INTS6: variants seen among roughly 807,000 people sequenced by gnomAD.
INTS6 encodes DEAD box protein.
A neutral mutation model predicts 104.9 loss-of-function variants in INTS6; 16 were observed. The ratio of observed to expected loss-of-function variants is 0.15; its 90% CI spans 0.10 to 0.23. INTS6 has a LOEUF of 0.23. Ranked by LOEUF, INTS6 falls within the 10% of genes least tolerant of loss-of-function variation. The pLI is 1.00. For synonymous variants in INTS6, 324 were observed against 358.7 expected, an observed-to-expected ratio of 0.90 and a Z score of 1.09; for missense variants, 584 against 1,062.8, an observed-to-expected ratio of 0.55 and a Z score of 6.26.
At chr13:51,410,823 A>C (rs1211717776) in intron 4 of INTS6, among the ~76,000 whole-genome samples, 1 of 152,196 alleles carries the variant, frequency 6.6e-6, no homozygotes, top group African/African-American at 2.4e-5. Flanking sequence ...ATATGTAAAA[A>C]ATTCTTATAA....
At chr13:51,399,145 T>C (rs1956390716) in intron 4 of INTS6, among the ~76,000 whole-genome samples, 1 of 152,246 alleles carries the variant, frequency 6.6e-6, no homozygotes, top group African/African-American at 2.4e-5. Context: ...GAATCACCTA[T>C]ACTGCTACAT....
At chr13:51,430,469 C>A in intron 3 of INTS6, 86 bp from the exon 4 acceptor site, 2 of 901,150 alleles carry the variant, frequency 2.2e-6, no homozygotes, top group South Asian at 3.3e-5. Flanking sequence ...AGCATATATA[C>A]GATCTCCCTT....
intron 4 of INTS6, among the ~76,000 whole-genome samples, chr13:51,417,717 A>G (rs946606869): frequency 6.6e-6 from 1 of 152,176 alleles, no homozygotes; most frequent in African/African-American, 2.4e-5. Context: ...TTGGCCTCCC[A>G]AAGTGCTAGG....
chr13:51,366,541 A>G (rs1225664627), intron 17 of INTS6, among the ~76,000 whole-genome samples: 1 of 152,020 alleles, frequency 6.6e-6, no homozygotes, highest in Non-Finnish European at 1.5e-5. Flanking sequence ...GCTACTTAGA[A>G]GCTAATATAA....
chr13:51,348,358 C>A, the INTS6 span: 9 of 1,613,822 alleles, frequency 5.6e-6, no homozygotes, highest in East Asian at 4.5e-5. Context: ...CCAGCACCAT[C>A]CACCTCTGGA....
At position 51,364,219 on chromosome 13, in the gene INTS6, A is replaced by G. The variant is rs1329034189; in HGVS notation, c.*1533T>C. The G allele has an allele frequency of 1.1e-5, 15 of 1,325,488 alleles. No homozygotes were observed. The East Asian group carries it at 3.3e-4, about 29-fold the overall frequency. 82.1% of individuals were successfully genotyped at this position (1,325,488 alleles called of 1,614,324 possible). ...ATATGAAAATACTATATAATATTAAATTCTTCTTTTTCTTGACAGGGTTTG... is the reference window on the plus strand; with the variant it reads ...ATATGAAAATACTATATAATATTAAGTTCTTCTTTTTCTTGACAGGGTTTG... On this transcript the variant is annotated 3_prime_UTR_variant, in exon 18 of 18. Coordinates refer to ENST00000311234, the MANE Select transcript of INTS6 (RefSeq NM_012141.3).
intron 17 of INTS6, among the ~76,000 whole-genome samples, chr13:51,366,343 A>G (rs1418243142): frequency 2.0e-5 from 3 of 152,028 alleles, no homozygotes; most frequent in Non-Finnish European, 4.4e-5. Context: ...TTCTATTACA[A>G]TTTGAGAGCT....
chr13:51,361,993 T>C lies in INTS6; in HGVS notation c.*3759A>G, dbSNP rs1161799187. On this transcript the variant is annotated 3_prime_UTR_variant, in exon 18 of 18. Coordinates refer to ENST00000311234, the MANE Select transcript of INTS6 (RefSeq NM_012141.3). The stretch of plus-strand genomic sequence containing the variant: ...TATCCCCTCAAAAATAAGCATTCTT[T>C]CTAGCTGTTTTTATGGTGCTTCAGA... The C allele has an allele frequency of 6.2e-7, 1 of 1,610,520 alleles. No individual in the cohort carries two copies. Among genetic ancestry groups the C allele is most frequent in the Non-Finnish European group, 8.5e-7 (1 of 1,178,050 alleles).
chr13:51,423,564 A>G (rs1956933760), intron 4 of INTS6, among the ~76,000 whole-genome samples: 1 of 152,096 alleles, frequency 6.6e-6, no homozygotes, highest in Non-Finnish European at 1.5e-5. Context: ...GTAAGCAGTA[A>G]CTGCAGATTG....
rs17837216 is a variant in INTS6 at position 51,362,499 on chromosome 13, A to T, written c.*3253T>A. On this transcript the variant is annotated 3_prime_UTR_variant, in exon 18 of 18. Coordinates refer to ENST00000311234, the MANE Select transcript of INTS6 (RefSeq NM_012141.3). ...CTTAGGCTTCGACAATATTGAACAA[A>T]GTCTTTAGATTATTTCTCTTAATGT... 1,731 of 152,728 alleles carry T rather than the reference A, an allele frequency of 0.011. 26 individuals are homozygous for T. The highest frequency in any genetic ancestry group is 0.071 in the East Asian group (367 of 5,188). 9.5% of individuals were successfully genotyped at this position (152,728 alleles called of 1,614,324 possible). A position where few individuals can be genotyped will look rare whatever the true frequency, so the allele number is the denominator to read the frequency against.
Position 51,452,317 on chromosome 13 carries a change from G to C in INTS6, c.111+98C>G. The C allele has an allele frequency of 8.5e-7, 1 of 1,171,502 alleles. No homozygotes were observed. The highest frequency in any genetic ancestry group is 1.1e-6 in the Non-Finnish European group (1 of 940,842). 72.6% of individuals were successfully genotyped at this position (1,171,502 alleles called of 1,614,324 possible). ...GTCCCCGAGCCCGGCAGCTCCCGCA[G>C]TCAGGTCCCCGACACCCCCGCCCCG... On this transcript the variant is annotated intron_variant, in intron 1 of 17. Transcript: ENST00000311234. The surrounding 1 kb of genome is among the most constrained non-coding windows in gnomAD (Gnocchi z 4.2).
chr13:51,389,161 T>C (rs528393496), intron 6 of INTS6, among the ~76,000 whole-genome samples, 158 bp downstream of exon 6: 1 of 152,356 alleles, frequency 6.6e-6, no homozygotes, highest in Admixed American at 6.5e-5. Context: ...TTAGTTTACC[T>C]TGACTTTCCT....
chr13:51,359,906 A>G (rs975776616), downstream of INTS6, among the ~76,000 whole-genome samples: 1 of 152,088 alleles, frequency 6.6e-6, no homozygotes, highest in African/African-American at 2.4e-5. Flanking sequence ...ACCAACTGCT[A>G]AAATAAATCA....
chr13:51,429,412 C>T (rs1047526514), intron 4 of INTS6, among the ~76,000 whole-genome samples: 3 of 151,944 alleles, frequency 2.0e-5, no homozygotes, highest in Non-Finnish European at 4.4e-5. Context: ...ATTCATTATA[C>T]CACACCACAC....
At chr13:51,338,501 G>A in the INTS6 span, among the ~76,000 whole-genome samples, 1 of 152,216 alleles carries the variant, frequency 6.6e-6, no homozygotes, top group Middle Eastern at 3.4e-3. Context: ...ACGGACAGAC[G>A]GATGGATGGA....
intron 4 of INTS6, among the ~76,000 whole-genome samples, chr13:51,429,788 ATATAT>A (rs1957057837): frequency 6.5e-5 from 6 of 91,926 alleles, no homozygotes; most frequent in African/African-American, 2.4e-4. Flanking sequence ...AAAAAAAAAT[ATATAT>A]ATATATATAT....
chr13:51,431,529 G>A (rs915801079), intron 3 of INTS6, among the ~76,000 whole-genome samples: 9 of 152,064 alleles, frequency 5.9e-5, no homozygotes, highest in African/African-American at 2.2e-4. Flanking sequence ...ATATTCTATG[G>A]TCCTATAACC....
chr13:51,380,259 A>C (rs574379495), intron 10 of INTS6, among the ~76,000 whole-genome samples: 2 of 152,158 alleles, frequency 1.3e-5, no homozygotes, highest in Middle Eastern at 3.2e-3. Flanking sequence ...GTTAAAAAAA[A>C]CTTTCAATTG....
chr13:51,411,748 T>C (rs1009903021), intron 4 of INTS6, among the ~76,000 whole-genome samples: 4 of 152,328 alleles, frequency 2.6e-5, no homozygotes, highest in African/African-American at 9.6e-5. Context: ...AACACTTTGG[T>C]AAACAATTTT....
Sources: gnomAD v4.1 joint callset for allele counts (sites outside exome capture counted in the v4.1 genomes callset) on GRCh38, gnomAD v4.1.1 for gene constraint, Gnocchi (gnomAD v3.1) non-coding constraint, MANE v1.5 for transcripts, NCBI Gene and HGNC (gene_info 2026-07-23, HGNC 2026-07-21) for gene names.